The following MAL variants were observed in gnomAD, a reference collection of about 807,000 sequenced individuals.
The protein encoded by MAL is myelin and lymphocyte protein.
Under a neutral mutation model 16.7 loss-of-function variants are expected in MAL, and 5 were observed. The ratio of observed to expected loss-of-function variants is 0.30; its 90% CI spans 0.16 to 0.63. The LOEUF (loss-of-function observed/expected upper bound fraction) is 0.63, where lower values mean the gene tolerates loss of function less well. Ranked by LOEUF, MAL falls within the 30% of genes least tolerant of loss-of-function variation. MAL has a pLI of 0.82. For missense variants in MAL, 202 were observed against 195.8 expected (o/e 1.03, Z -0.19); for synonymous variants, 96 against 85.5 (o/e 1.12, Z -0.67).
chr2:95,031,433 G>A (rs932044119), intron 1 of MAL, among the ~76,000 whole-genome samples: 1 of 152,216 alleles, frequency 6.6e-6, no homozygotes, highest in African/African-American at 2.4e-5. Context: ...TCCAGGGCAG[G>A]TTGAAGAACC....
At chr2:95,028,446 GT>G (rs1674000047) in intron 1 of MAL, among the ~76,000 whole-genome samples, 2 of 152,228 alleles carry the variant, frequency 1.3e-5, no homozygotes, top group Non-Finnish European at 2.9e-5. Flanking sequence ...AGTATTGGAT[GT>G]GGAGAAATTG....
chr2:95,029,196 G>T (rs1437126769), intron 1 of MAL, among the ~76,000 whole-genome samples: 1 of 152,190 alleles, frequency 6.6e-6, no homozygotes, highest in East Asian at 1.9e-4. Context: ...ATGTATTAAG[G>T]AAATGAAGCT....
At chr2:95,029,817 G>A (rs576697619) in intron 1 of MAL, among the ~76,000 whole-genome samples, 1 of 152,312 alleles carries the variant, frequency 6.6e-6, no homozygotes, top group South Asian at 2.1e-4. Flanking sequence ...TGGTCCTCCT[G>A]ATTGTTTAAG....
intron 1 of MAL, among the ~76,000 whole-genome samples, chr2:95,037,744 G>GTGAGTGAGTGAC (rs1427853338): frequency 1.5e-4 from 23 of 148,666 alleles, no homozygotes; most frequent in East Asian, 2.0e-4. Context: ...GACTGAGTGG[G>GTGAGTGAGTGAC]TGAGTGAGTG....
intron 1 of MAL, among the ~76,000 whole-genome samples, chr2:95,032,496 A>G (rs1674107472): frequency 6.6e-6 from 1 of 152,212 alleles, no homozygotes; most frequent in Non-Finnish European, 1.5e-5. Context: ...TTGGACCAGC[A>G]GGCCTCAGGG....
chr2:95,027,370 G>A (rs1355735318), intron 1 of MAL, among the ~76,000 whole-genome samples: 1 of 152,148 alleles, frequency 6.6e-6, no homozygotes, highest in Non-Finnish European at 1.5e-5. Flanking sequence ...GTGGCCTGCC[G>A]GTAGCGGGGC....
intron 1 of MAL, among the ~76,000 whole-genome samples, chr2:95,028,152 CAAAAAAAA>C (rs898443996): frequency 2.3e-4 from 9 of 39,690 alleles, no homozygotes; most frequent in Middle Eastern, 0.019. Context: ...ACTAAAAATA[CAAAAAAAA>C]AAAAAAAAAA....
chr2:95,039,046 G>T (rs1674356266), intron 1 of MAL, among the ~76,000 whole-genome samples: 1 of 151,838 alleles, frequency 6.6e-6, no homozygotes, highest in Non-Finnish European at 1.5e-5. Context: ...GTGACTGAGT[G>T]ACTGAGTGGG....
intron 1 of MAL, chr2:95,026,799 C>T (rs971134708): frequency 2.6e-5 from 4 of 152,202 alleles, no homozygotes; most frequent in Non-Finnish European, 4.4e-5. Context: ...ACACCTTTTC[C>T]GGCACCCCAC....
Position 95,025,768 on chromosome 2 carries a change from C to T in MAL, c.-25C>T. ...GAGTCTGAGCGGCGCTCGTCCCGTCCCAAGGCCGACGCCAGCACGCCGTCA... is the reference window on the plus strand; with the variant it reads ...GAGTCTGAGCGGCGCTCGTCCCGTCTCAAGGCCGACGCCAGCACGCCGTCA... On this transcript the variant is annotated 5_prime_UTR_variant, in exon 1 of 4. Transcript: ENST00000309988. The surrounding 1 kb of genome is among the most constrained non-coding windows in gnomAD (Gnocchi z 5.6). 2 of 1,507,768 alleles carry T rather than the reference C, an allele frequency of 1.3e-6. No individual in the cohort carries two copies. Among genetic ancestry groups the T allele is most frequent in the Non-Finnish European group, 8.9e-7 (1 of 1,121,798 alleles). The allele number at this position is 1,507,768 out of a possible 1,614,324, so 93.4% of individuals were successfully genotyped here.
chr2:95,047,276 C>T (rs1468114555), intron 1 of MAL, among the ~76,000 whole-genome samples: 4 of 152,196 alleles, frequency 2.6e-5, no homozygotes, highest in Non-Finnish European at 5.9e-5. Context: ...TTCCACCTAC[C>T]TCAGTTTCCT....
Position 95,047,895 on chromosome 2 carries a change from G to A in MAL, c.94-64G>A, listed in dbSNP as rs576913309. 2.4e-4 allele frequency: 373 copies of A among 1,526,916 alleles called. 5 individuals are homozygous for A. In the South Asian group the frequency reaches 3.6e-3, roughly 15 times the overall value. 94.6% of individuals were successfully genotyped at this position (1,526,916 alleles called of 1,614,324 possible). A position where few individuals can be genotyped will look rare whatever the true frequency, so the allele number is the denominator to read the frequency against. On this transcript the variant is annotated intron_variant, in intron 1 of 3. Transcript: ENST00000309988. ...CAGTCACCCCATGTGACCGCTGGTC[G>A]GGGGCCCTTCCTGGGCTGGGGCTCT...
chr2:95,035,805 G>A (rs1225823301), intron 1 of MAL, among the ~76,000 whole-genome samples: 5 of 151,864 alleles, frequency 3.3e-5, no homozygotes, highest in African/African-American at 1.2e-4. Context: ...GAGTAGCTGG[G>A]ACTACAGGCG....
intron 2 of MAL, 101 bp from the exon 3 acceptor site, chr2:95,049,480 G>T: frequency 6.8e-7 from 1 of 1,475,540 alleles, no homozygotes; most frequent in South Asian, 1.3e-5. Flanking sequence ...TTCAAAGGAA[G>T]TGGGGGGAGA....
At chr2:95,038,564 GTGAC>G (rs1323402814) in intron 1 of MAL, among the ~76,000 whole-genome samples, 1 of 151,132 alleles carries the variant, frequency 6.6e-6, no homozygotes, top group Non-Finnish European at 1.5e-5. Flanking sequence ...GAGTGAGTGA[GTGAC>G]TGAGTGACTG....
At chr2:95,030,724 T>A (rs1014692673) in intron 1 of MAL, among the ~76,000 whole-genome samples, 12 of 152,050 alleles carry the variant, frequency 7.9e-5, no homozygotes, top group Non-Finnish European at 1.2e-4. Context: ...TCCAGGGGCA[T>A]GCCCTTCCTC....
In MAL at chr2:95,048,001, G is replaced by A; in HGVS notation, c.136G>A (p.Val46Met). ...LVWILVASSL[V>M]PWPLVQGWVM... The stretch of plus-strand genomic sequence containing the variant: ...GTGGATCCTGGTGGCCTCCTCCCTG[G>A]TGCCCTGGCCCCTGGTCCAGGGCTG... Residue 46 changes from valine to methionine, a missense_variant, in exon 2 of 4, where the codon GTG becomes ATG. Coordinates refer to ENST00000309988, the MANE Select transcript of MAL (RefSeq NM_002371.4). 6.2e-7 allele frequency: 1 copy of A among 1,602,348 alleles called. No homozygotes were observed. Among genetic ancestry groups the A allele is most frequent in the Non-Finnish European group, 8.5e-7 (1 of 1,174,968 alleles).
chr2:95,042,431 GC>G (rs1178246707), intron 1 of MAL, among the ~76,000 whole-genome samples: 3 of 152,164 alleles, frequency 2.0e-5, no homozygotes, highest in Admixed American at 1.3e-4. Flanking sequence ...TTCTAAAGGT[GC>G]CCCAGGTGAC....
intron 1 of MAL, among the ~76,000 whole-genome samples, chr2:95,039,370 A>G (rs1368165302): frequency 0.011 from 318 of 28,204 alleles, no homozygotes; most frequent in African/African-American, 0.017. Context: ...CTGACTGAGT[A>G]ACTGAGTGAG....
Sources: allele counts gnomAD v4.1 joint callset (sites outside exome capture counted in the v4.1 genomes callset), GRCh38; gene constraint gnomAD v4.1.1; non-coding constraint Gnocchi (gnomAD v3.1); transcripts MANE v1.5; gene names NCBI Gene and HGNC (gene_info 2026-07-23, HGNC 2026-07-21).